Variants in SPACA9 observed in about 807,000 individuals in gnomAD.
The protein encoded by SPACA9 is sperm acrosome associated 9, also known as sperm acrosome-associated protein 9.
Under a neutral mutation model 12.5 loss-of-function variants are expected in SPACA9, and 14 were observed. The observed-to-expected ratio is 1.12, with a 90% confidence interval of 0.74 to 1.75. SPACA9 has a LOEUF of 1.75. SPACA9 is among the 40% of genes most tolerant of loss of function. The probability of loss-of-function intolerance (pLI) is 0.00; values close to 1 mark genes in which losing one functional copy is unlikely to be tolerated. For missense variants in SPACA9, 292 were observed against 291.9 expected (o/e 1.00, Z 0.00); for synonymous variants, 111 against 114.1 (o/e 0.97, Z 0.17).
chr9:132,880,851 C>T (rs1407903757), intron 1 of SPACA9, among the ~76,000 whole-genome samples: 2 of 139,250 alleles, frequency 1.4e-5, no homozygotes, highest in Non-Finnish European at 3.0e-5. Context: ...GAGATGGAGT[C>T]TTGCTCTGTC....
rs915435203 is a variant in SPACA9, at chr9:132,888,369, C to G, written c.427C>G (p.Leu143Val). 6.6e-5 allele frequency: 106 copies of G among 1,614,018 alleles called. No homozygotes were observed. Among genetic ancestry groups the G allele is most frequent in the Non-Finnish European group, 8.8e-5 (104 of 1,180,052 alleles). Residue 143 changes from leucine (L) to valine (V), a missense_variant, in exon 4 of 4, where the codon CTC becomes GTC. Transcript: ENST00000356311. The surrounding 1 kb of genome is among the most constrained non-coding windows in gnomAD (Gnocchi z 5.0). ...HYGGVVSLIP[L>V]ILDLMKEWIA... ...CGGCGGCGTGGTCAGCCTCATCCCCCTCATCCTAGACTTAATGAAAGAATG... is the reference window on the plus strand; with the variant it reads ...CGGCGGCGTGGTCAGCCTCATCCCCGTCATCCTAGACTTAATGAAAGAATG...
rs58526633 is a variant in SPACA9 at position 132,888,961 on chromosome 9, G to A, written c.*350G>A. 1.2e-3 allele frequency: 753 copies of A among 639,628 alleles called. 4 individuals are homozygous for A. The African/African-American group carries it at 0.013, about 11-fold the overall frequency. The allele number at this position is 639,628 out of a possible 1,614,324, so 39.6% of individuals were successfully genotyped here. A position where few individuals can be genotyped will look rare whatever the true frequency, so the allele number is the denominator to read the frequency against. On this transcript the variant is annotated 3_prime_UTR_variant, in exon 4 of 4. Transcript: ENST00000356311. The surrounding 1 kb of genome is among the most constrained non-coding windows in gnomAD (Gnocchi z 5.0). ...TTTTTGTATTTTTAGTAGAGACAGC[G>A]TTTCACCATGTTAGCCAGGATGGTC...
chr9:132,879,241 C>CT (rs1220278983), intron 1 of SPACA9, among the ~76,000 whole-genome samples: 1 of 152,198 alleles, frequency 6.6e-6, no homozygotes, highest in East Asian at 1.9e-4. Context: ...TTATTAGTCG[C>CT]AACACTGAAT....
chr9:132,889,001 T>A lies in SPACA9; in HGVS notation c.*390T>A. ...CCAGGATGGTCTCAATCTCCTGACCTCATGATCTACCCTCGTGATCGGCCT... is the reference window on the plus strand; with the variant it reads ...CCAGGATGGTCTCAATCTCCTGACCACATGATCTACCCTCGTGATCGGCCT... On this transcript the variant is annotated 3_prime_UTR_variant, in exon 4 of 4. Coordinates refer to ENST00000356311, the MANE Select transcript of SPACA9 (RefSeq NM_001316897.2). 1.2e-6 allele frequency: 1 copy of A among 800,404 alleles called. No individual in the cohort carries two copies. The highest frequency in any genetic ancestry group is 5.2e-5 in the Admixed American group (1 of 19,222). The allele number at this position is 800,404 out of a possible 1,614,324, so 49.6% of individuals were successfully genotyped here. A position where few individuals can be genotyped will look rare whatever the true frequency, so the allele number is the denominator to read the frequency against.
chr9:132,887,308 C>T lies in SPACA9; in HGVS notation c.145-61C>T, dbSNP rs1412947568. 4 of 1,512,424 alleles carry T rather than the reference C, an allele frequency of 2.6e-6. No homozygotes were observed. In the East Asian group the frequency reaches 6.7e-5, roughly 26 times the overall value. 93.7% of individuals were successfully genotyped at this position (1,512,424 alleles called of 1,614,324 possible). On this transcript the variant is annotated intron_variant, in intron 2 of 3. Transcript: ENST00000356311. This position sits in a 1 kb window ranked among gnomAD's most constrained non-coding sequence, Gnocchi z 5.4. ...GGTGGGTGCTTCTGGACATTTGCAC[C>T]ATAAGCCAGCCAGGACCCGGGTTGG...
intron 2 of SPACA9, among the ~76,000 whole-genome samples, chr9:132,885,928 T>G (rs1185952505): frequency 2.7e-5 from 4 of 149,350 alleles, no homozygotes; most frequent in African/African-American, 9.8e-5. Context: ...ACCCCCGCAA[T>G]GCTCTGTTGT....
intron 2 of SPACA9, among the ~76,000 whole-genome samples, chr9:132,885,296 C>T (rs985704742): frequency 6.6e-6 from 1 of 151,914 alleles, no homozygotes; most frequent in Non-Finnish European, 1.5e-5. Flanking sequence ...AGTGGATCAC[C>T]TGAGGCCAGG....
chr9:132,882,332 C>T (rs553122501), intron 1 of SPACA9, among the ~76,000 whole-genome samples: 2 of 152,330 alleles, frequency 1.3e-5, no homozygotes, highest in South Asian at 4.1e-4. Context: ...CCCCAGCCTC[C>T]TCCAAGTGCT....
Position 132,889,594 on chromosome 9 carries a change from T to C in SPACA9, c.*983T>C, listed in dbSNP as rs956459840. On this transcript the variant is annotated 3_prime_UTR_variant, in exon 4 of 4. Transcript: ENST00000356311. Reference sequence around the variant, plus strand: ...CTAATTTATATATATATATATTTTTTAGTAGAGACGGGGCTTCACCACGTT... The same window carrying C: ...CTAATTTATATATATATATATTTTTCAGTAGAGACGGGGCTTCACCACGTT... 5.3e-5 allele frequency: 19 copies of C among 359,184 alleles called. No homozygotes were observed. Among genetic ancestry groups the C allele is most frequent in the South Asian group, 1.1e-4 (1 of 8,848 alleles). 22.2% of individuals were successfully genotyped at this position (359,184 alleles called of 1,614,324 possible).
intron 1 of SPACA9, among the ~76,000 whole-genome samples, chr9:132,882,622 G>A (rs1221737014): frequency 6.6e-6 from 1 of 151,924 alleles, no homozygotes; most frequent in Non-Finnish European, 1.5e-5. Context: ...TCCCAGCCCC[G>A]TCTTGTTATT....
In SPACA9 at chr9:132,889,681, C is replaced by G. The variant is rs748223824; in HGVS notation, c.*1070C>G. The G allele has an allele frequency of 3.1e-5, 32 of 1,044,304 alleles. No individual in the cohort carries two copies. The highest frequency in any genetic ancestry group is 8.4e-5 in the African/African-American group (5 of 59,362). The allele number at this position is 1,044,304 out of a possible 1,614,324, so 64.7% of individuals were successfully genotyped here. A position where few individuals can be genotyped will look rare whatever the true frequency, so the allele number is the denominator to read the frequency against. On this transcript the variant is annotated 3_prime_UTR_variant, in exon 4 of 4. Transcript: ENST00000356311. ...CCACCCGCCTCGGCCTCCCAAAGTG[C>G]TGGGATTACAGGTGTGAGCCACGGC... is the stretch of plus-strand genomic sequence containing the variant.
chr9:132,886,083 TC>T (rs1844557868), intron 2 of SPACA9, among the ~76,000 whole-genome samples: 1 of 152,174 alleles, frequency 6.6e-6, no homozygotes, highest in East Asian at 1.9e-4. Flanking sequence ...TGGGGAAACA[TC>T]CCCTAGCAAC....
chr9:132,886,318 A>ACT (rs1844563946), intron 2 of SPACA9, among the ~76,000 whole-genome samples: 1 of 152,200 alleles, frequency 6.6e-6, no homozygotes, highest in Admixed American at 6.5e-5. Flanking sequence ...GGGTAACCCC[A>ACT]TAAGCTCCAC....
chr9:132,883,200 C>A (rs1452647425), intron 1 of SPACA9, among the ~76,000 whole-genome samples: 1 of 152,190 alleles, frequency 6.6e-6, no homozygotes, highest in African/African-American at 2.4e-5. Context: ...GGCATTCCAG[C>A]AATTAACAGG....
chr9:132,886,990 C>A (rs894720591), intron 2 of SPACA9, among the ~76,000 whole-genome samples: 14 of 151,346 alleles, frequency 9.3e-5, no homozygotes, highest in African/African-American at 3.4e-4. Flanking sequence ...TTTTTTTTTC[C>A]TAGTAGAGAT....
At position 132,889,550 on chromosome 9, in the gene SPACA9, C is replaced by T. The variant is rs1258236983; in HGVS notation, c.*939C>T. ...CCTCCTGAGTAGCTGGAATTACAGG[C>T]GCCCACCACCCCACCTGGCTAATTT... On this transcript the variant is annotated 3_prime_UTR_variant, in exon 4 of 4. Transcript: ENST00000356311. The T allele has an allele frequency of 4.9e-6, 2 of 406,080 alleles. No homozygotes were observed. Among genetic ancestry groups the T allele is most frequent in the Non-Finnish European group, 6.7e-6 (2 of 300,388 alleles). 25.2% of individuals were successfully genotyped at this position (406,080 alleles called of 1,614,324 possible).
chr9:132,885,330 T>G (rs1485464128), intron 2 of SPACA9, among the ~76,000 whole-genome samples: 1 of 151,424 alleles, frequency 6.6e-6, no homozygotes, highest in Admixed American at 6.6e-5. Flanking sequence ...CTGGCCAACA[T>G]GGTGAAACCC....
chr9:132,878,866 C>T (rs1844283283), upstream of SPACA9: 5 of 809,508 alleles, frequency 6.2e-6, no homozygotes, highest in African/African-American at 1.9e-5. The surrounding 1 kb of genome is among the most constrained non-coding windows in gnomAD (Gnocchi z 4.7). Flanking sequence ...GCCCGCGGCC[C>T]CGCCCCTTCT....
At position 132,887,531 on chromosome 9, in the gene SPACA9, C is replaced by G. The variant is rs760551688; in HGVS notation, c.307C>G (p.Leu103Val). 3.1e-6 allele frequency: 5 copies of G among 1,614,084 alleles called. No individual in the cohort carries two copies. The highest frequency in any genetic ancestry group is 3.4e-6 in the Non-Finnish European group (4 of 1,180,018). ...TNNLLEKCKT[L>V]VSQSNDLSSL... ...CAACCTCCTGGAGAAATGCAAAACC[C>G]TCGTTAGCCAAAGCAACGACTTAAG... Residue 103 changes from leucine (L) to valine (V), a missense_variant, in exon 3 of 4, where the codon CTC becomes GTC. Leu to Val is a conservative substitution (Grantham distance 32). Coordinates refer to ENST00000356311, the MANE Select transcript of SPACA9 (RefSeq NM_001316897.2). The surrounding 1 kb of genome is among the most constrained non-coding windows in gnomAD (Gnocchi z 5.4).
Sources: allele counts gnomAD v4.1 joint callset (sites outside exome capture counted in the v4.1 genomes callset), GRCh38; gene constraint gnomAD v4.1.1; non-coding constraint Gnocchi (gnomAD v3.1); transcripts MANE v1.5; gene names NCBI Gene and HGNC (gene_info 2026-07-23, HGNC 2026-07-21).